Variants in SYDE2 observed in about 807,000 individuals in gnomAD.
SYDE2 encodes the protein rho GTPase-activating protein SYDE2.
SYDE2 carries 76 observed loss-of-function variants against 91.5 expected under a neutral mutation model. The observed-to-expected ratio is 0.83, with a 90% confidence interval of 0.69 to 1.01. The LOEUF is 1.01. Among genes scored for constraint, SYDE2 ranks in the 50% least tolerant of loss-of-function variants. The pLI is 0.00. For synonymous variants in SYDE2, 513 were observed against 506.4 expected, an observed-to-expected ratio of 1.01 and a Z score of -0.18; for missense variants, 1,364 against 1,367.7, an observed-to-expected ratio of 1.00 and a Z score of 0.04.
chr1:85,196,654 G>GA (rs1056663291), intron 1 of SYDE2, among the ~76,000 whole-genome samples: 1 of 148,816 alleles, frequency 6.7e-6, no homozygotes, highest in Non-Finnish European at 1.5e-5. Context: ...CACAATAGCA[G>GA]AATCTCTCAG....
chr1:85,166,311 C>T (rs1447749869), intron 5 of SYDE2, among the ~76,000 whole-genome samples: 2 of 147,194 alleles, frequency 1.4e-5, no homozygotes, highest in African/African-American at 2.5e-5. Flanking sequence ...TGTACTCCAG[C>T]GTGGGTGACA....
chr1:85,190,339 A>C lies in SYDE2; in HGVS notation c.1159T>G (p.Leu387Val), dbSNP rs755838452. 6.2e-7 allele frequency: 1 copy of C among 1,613,976 alleles called. No individual in the cohort carries two copies. The highest frequency in any genetic ancestry group is 1.1e-5 in the South Asian group (1 of 91,082). ...GCAGAGTCGGCCTCACCAAAACTCA[A>C]GGCACTTGATATACCAAGGTCATCA... ...EDDDLGISSA[L>V]SFGEADSAVL... Residue 387 changes from leucine to valine, a missense_variant, in exon 2 of 7, where the codon TTG becomes GTG. By Grantham distance (32) the Leu-to-Val change is conservative. Transcript: ENST00000341460.
downstream of SYDE2, among the ~76,000 whole-genome samples, chr1:85,155,009 C>CAAAAAAAAAAAAAAAAAAAAGAAA: frequency 2.5e-5 from 2 of 80,672 alleles, no homozygotes; most frequent in Non-Finnish European, 4.6e-5. Flanking sequence ...AAGAATGCAG[C>CAAAAAAAAAAAAAAAAAAAAGAAA]AAAAAAAAAA....
At chr1:85,183,710 C>G (rs1658023001) in intron 2 of SYDE2, among the ~76,000 whole-genome samples, 1 of 151,930 alleles carries the variant, frequency 6.6e-6, no homozygotes, top group East Asian at 1.9e-4. Context: ...AAAGCATCCC[C>G]TTGTACTAAA....
intron 3 of SYDE2, among the ~76,000 whole-genome samples, chr1:85,180,716 A>G (rs892885247): frequency 6.6e-6 from 1 of 152,078 alleles, no homozygotes; most frequent in Non-Finnish European, 1.5e-5. Flanking sequence ...ACAGTTCTAC[A>G]TAAAAATGAA....
intron 1 of SYDE2, among the ~76,000 whole-genome samples, chr1:85,195,406 A>G (rs1480136993): frequency 6.6e-6 from 1 of 152,152 alleles, no homozygotes; most frequent in Non-Finnish European, 1.5e-5. Context: ...AGTCCAGATG[A>G]AATTACTAGA....
At chr1:85,160,856 T>C (rs1368771738) in intron 6 of SYDE2, 3 of 985,326 alleles carry the variant, frequency 3.0e-6, no homozygotes, top group Non-Finnish European at 3.6e-6. Flanking sequence ...CAGATTCATT[T>C]TGTTGCCAGT....
intron 2 of SYDE2, among the ~76,000 whole-genome samples, chr1:85,184,442 C>T (rs1658047885): frequency 6.6e-6 from 1 of 152,082 alleles, no homozygotes; most frequent in African/African-American, 2.4e-5. Context: ...AGGAAACAGT[C>T]AAATAGATTA....
In SYDE2 at chr1:85,190,574, G is replaced by A; in HGVS notation, c.924C>T (p.Cys308=). The change falls in exon 2 of 7, where the codon TGC becomes TGT. Residue 308 remains cysteine, a synonymous_variant. Transcript: ENST00000341460. ...PLNLEEENKK[C]QDRSHLSISP... ...AGATGGATAAATGACTTCTATCTTG[G>A]CATTTCTTATTTTCTTCTTCCAGAT... is the stretch of plus-strand genomic sequence containing the variant. 1 of 1,613,846 alleles carries A rather than the reference G, an allele frequency of 6.2e-7. No homozygotes were observed. Among genetic ancestry groups the A allele is most frequent in the Non-Finnish European group, 8.5e-7 (1 of 1,179,872 alleles).
chr1:85,182,805 T>C lies in SYDE2; in HGVS notation c.1837A>G (p.Lys613Glu). ...AGGTAACCACCTTTGCAGGAATACT[T>C]AGAACTCATAGAGTTTTTCTTCTGG... is the stretch of plus-strand genomic sequence containing the variant. ...SYQKKNSMSS[K>E]YSCKGGYLSD... The change falls in exon 3 of 7, where the codon AAG becomes GAG. Residue 613 changes from lysine to glutamate, a missense_variant. Coordinates refer to ENST00000341460, the MANE Select transcript of SYDE2 (RefSeq NM_032184.2). The C allele has an allele frequency of 6.2e-7, 1 of 1,613,946 alleles. No individual in the cohort carries two copies. The highest frequency in any genetic ancestry group is 8.5e-7 in the Non-Finnish European group (1 of 1,179,856).
In SYDE2 at chr1:85,164,630, G is replaced by A. The variant is rs1393278366; in HGVS notation, c.2981C>T (p.Ser994Phe). ...PVLLSQRQEPSTHNNRVFTDS... is the reference protein window; with the variant it reads ...PVLLSQRQEPFTHNNRVFTDS... Reference sequence around the variant, plus strand: ...AGTAAAGACTCTGTTGTTATGGGTGGAAGGCTCTTGCCTCTGACTTAATAA... The same window carrying A: ...AGTAAAGACTCTGTTGTTATGGGTGAAAGGCTCTTGCCTCTGACTTAATAA... Residue 994 changes from serine to phenylalanine, a missense_variant, in exon 6 of 7, where the codon TCC becomes TTC. Transcript: ENST00000341460. The A allele has an allele frequency of 5.0e-6, 8 of 1,603,222 alleles. No homozygotes were observed. In the East Asian group the frequency reaches 1.8e-4, roughly 36 times the overall value.
chr1:85,199,660 G>A (rs1239387517), intron 1 of SYDE2, among the ~76,000 whole-genome samples: 1 of 151,884 alleles, frequency 6.6e-6, no homozygotes, highest in Non-Finnish European at 1.5e-5. Flanking sequence ...GAGAGATGGT[G>A]TATGTGAAAT....
At chr1:85,197,800 A>G (rs1204889088) in intron 1 of SYDE2, among the ~76,000 whole-genome samples, 2 of 151,874 alleles carry the variant, frequency 1.3e-5, no homozygotes, top group South Asian at 2.1e-4. Flanking sequence ...GACTACAGGC[A>G]CCCACCACCA....
In SYDE2 at chr1:85,156,920, C is replaced by G. The variant is rs1306494710; in HGVS notation, c.*1830G>C. The G allele has an allele frequency of 4.6e-5, 7 of 151,894 alleles. No individual in the cohort carries two copies. The highest frequency in any genetic ancestry group is 4.6e-4 in the Admixed American group (7 of 15,252). The allele number at this position is 151,894 out of a possible 1,614,324, so 9.4% of individuals were successfully genotyped here. A position where few individuals can be genotyped will look rare whatever the true frequency, so the allele number is the denominator to read the frequency against. The stretch of plus-strand genomic sequence containing the variant: ...CATTTCTAGAGCAATTTATTCAATT[C>G]ATACATGATATAGCAACAAAAGGAA... On this transcript the variant is annotated 3_prime_UTR_variant, in exon 7 of 7. Transcript: ENST00000341460.
chr1:85,161,725 C>CAAA (rs60732181), intron 6 of SYDE2, among the ~76,000 whole-genome samples: 2 of 83,352 alleles, frequency 2.4e-5, no homozygotes, highest in African/African-American at 3.8e-5. Context: ...GACTCCATCT[C>CAAA]AAAAAAAAAA....
downstream of SYDE2, among the ~76,000 whole-genome samples, chr1:85,155,482 ATT>A (rs756289063): frequency 1.3e-4 from 20 of 148,734 alleles, no homozygotes; most frequent in Non-Finnish European, 2.5e-4. Flanking sequence ...CTATTGAAAG[ATT>A]TTTTTTAAAA....
At chr1:85,152,648 C>G (rs1656808133), downstream of SYDE2, 1 of 152,172 alleles carries the variant, frequency 6.6e-6, no homozygotes. Context: ...TGAACAGCTT[C>G]TATGTTATAG....
At chr1:85,172,507 T>C (rs1477555268) in intron 4 of SYDE2, among the ~76,000 whole-genome samples, 3 of 152,154 alleles carry the variant, frequency 2.0e-5, no homozygotes, top group African/African-American at 7.2e-5. Context: ...CCAGTGTTTC[T>C]AGGCAAGATG....
At position 85,200,474 on chromosome 1, in the gene SYDE2, G is replaced by A; in HGVS notation, c.523C>T (p.Gln175Ter). ...SVIRSGKGDR[Q>*]EGPSFLRPPA... ...GGCCTGAGGAAGGAGGGGCCTTCCT[G>A]GCGGTCTCCTTTGCCACTGCGTATC... Residue 175 changes from glutamine (Q) to a stop codon, truncating the protein, a stop_gained, in exon 1 of 7, where the codon CAG (glutamine) becomes TAG (stop). Coordinates refer to ENST00000341460, the MANE Select transcript of SYDE2 (RefSeq NM_032184.2). LOFTEE classifies it high-confidence loss of function. 1 of 1,613,876 alleles carries A rather than the reference G, an allele frequency of 6.2e-7. No homozygotes were observed. The highest frequency in any genetic ancestry group is 8.5e-7 in the Non-Finnish European group (1 of 1,179,866).
Sources: allele counts gnomAD v4.1 joint callset (sites outside exome capture counted in the v4.1 genomes callset), GRCh38; gene constraint gnomAD v4.1.1; transcripts MANE v1.5; gene names NCBI Gene and HGNC (gene_info 2026-07-23, HGNC 2026-07-21).